The following PARD3 variants were observed in gnomAD, a reference collection of about 807,000 sequenced individuals.
PARD3 encodes the protein partitioning defective 3 homolog.
A neutral mutation model predicts 155.4 loss-of-function variants in PARD3; 75 were observed. The observed-to-expected ratio is 0.48, with a 90% CI of 0.40 to 0.58. The LOEUF (loss-of-function observed/expected upper bound fraction) is 0.58. PARD3 is among the 20% of genes least tolerant of loss of function. PARD3 has a pLI of 0.00. For missense variants in PARD3, 1,642 were observed against 1,721.7 expected (o/e 0.95, Z 0.82); for synonymous variants, 576 against 610.5 (o/e 0.94, Z 0.83).
At chr10:34,329,774 A>T (rs1835415369) in intron 19 of PARD3, among the ~76,000 whole-genome samples, 1 of 152,162 alleles carries the variant, frequency 6.6e-6, no homozygotes, top group South Asian at 2.1e-4. Flanking sequence ...TAGATGGAGA[A>T]TCAGGTGGAG....
intron 16 of PARD3, among the ~76,000 whole-genome samples, chr10:34,338,643 A>G (rs991075922): frequency 6.6e-6 from 1 of 152,158 alleles, no homozygotes; most frequent in African/African-American, 2.4e-5. Flanking sequence ...AAAACAGTCA[A>G]CCTTTGGATG....
chr10:34,277,276 T>C (rs554289301), intron 21 of PARD3, among the ~76,000 whole-genome samples: 3 of 152,312 alleles, frequency 2.0e-5, no homozygotes, highest in South Asian at 2.1e-4. Context: ...GAAGGCTTTA[T>C]TGGGCCCTCA....
chr10:34,531,331 T>C (rs1480824850), intron 2 of PARD3, among the ~76,000 whole-genome samples: 1 of 152,210 alleles, frequency 6.6e-6, no homozygotes, highest in African/African-American at 2.4e-5. Flanking sequence ...GCAGAAGTTA[T>C]TAATACTTCT....
intron 1 of PARD3, among the ~76,000 whole-genome samples, chr10:34,789,806 G>A (rs1025432421): frequency 6.6e-6 from 1 of 152,114 alleles, no homozygotes; most frequent in African/African-American, 2.4e-5. Context: ...GATTATTCTG[G>A]GTGGTAAGAA....
At chr10:34,742,287 A>AG (rs556909545) in intron 1 of PARD3, among the ~76,000 whole-genome samples, 1 of 152,302 alleles carries the variant, frequency 6.6e-6, no homozygotes, top group East Asian at 1.9e-4. Flanking sequence ...CACCAATGTA[A>AG]GGGGGGGACC....
Position 34,543,226 on chromosome 10 carries a change from G to A in PARD3, c.223-26067C>T, listed in dbSNP as rs559501079. On this transcript the variant is annotated intron_variant, in intron 2 of 24. Coordinates refer to ENST00000374788, the MANE Select transcript of PARD3 (RefSeq NM_001184785.2). ...GTTGAGGCTACCATGAGCCATAATC[G>A]TCCCACTGCACTCTAGCCTGGGCGT... Among the ~76,000 whole-genome samples, 5 of 152,018 alleles carry A rather than the reference G, an allele frequency of 3.3e-5. No individual in the cohort carries two copies. The South Asian group carries it at 6.3e-4, about 19-fold the overall frequency.
At chr10:34,519,444 C>G (rs561402448) in intron 2 of PARD3, among the ~76,000 whole-genome samples, 1 of 152,032 alleles carries the variant, frequency 6.6e-6, no homozygotes, top group East Asian at 1.9e-4. Flanking sequence ...TTTTAAAAAG[C>G]TATAAAAATA....
intron 2 of PARD3, among the ~76,000 whole-genome samples, chr10:34,600,133 G>A (rs968739940): frequency 2.0e-5 from 3 of 149,326 alleles, no homozygotes; most frequent in Non-Finnish European, 4.4e-5. Context: ...TCAGGAGTTC[G>A]AGACCAGCCT....
chr10:34,371,506 A>C (rs939521882), intron 12 of PARD3, among the ~76,000 whole-genome samples: 4,789 of 94,230 alleles, frequency 0.051, 365 homozygotes, highest in Non-Finnish European at 0.062. Flanking sequence ...AAAAAAAAAA[A>C]AAAAAAAAAA....
chr10:34,575,624 G>A (rs556036425), intron 2 of PARD3, among the ~76,000 whole-genome samples: 35 of 152,250 alleles, frequency 2.3e-4, no homozygotes, highest in Admixed American at 1.3e-3. Flanking sequence ...GGCCGGGAGC[G>A]GTGGCTCATG....
chr10:34,807,116 G>A (rs780052266), intron 1 of PARD3, among the ~76,000 whole-genome samples: 8 of 152,168 alleles, frequency 5.3e-5, no homozygotes, highest in Non-Finnish European at 1.0e-4. Context: ...GGGGTAGGGG[G>A]TAGCACACAG....
chr10:34,276,725 CTAAA>C (rs2133892141), intron 21 of PARD3, among the ~76,000 whole-genome samples: 1 of 152,160 alleles, frequency 6.6e-6, no homozygotes, highest in Non-Finnish European at 1.5e-5. Context: ...CAGTTACATA[CTAAA>C]TACTTTCATT....
intron 23 of PARD3, among the ~76,000 whole-genome samples, 184 bp downstream of exon 23, chr10:34,131,278 GA>G (rs1342741802): frequency 1.3e-5 from 2 of 152,180 alleles, no homozygotes; most frequent in Non-Finnish European, 2.9e-5. Context: ...GGTGGAACAA[GA>G]TATAAAATGA....
chr10:34,365,112 A>T (rs909857421), intron 12 of PARD3, among the ~76,000 whole-genome samples: 1 of 152,258 alleles, frequency 6.6e-6, no homozygotes, highest in Non-Finnish European at 1.5e-5. Flanking sequence ...ATGCTTACCT[A>T]AACCTTCTAC....
intron 1 of PARD3, among the ~76,000 whole-genome samples, chr10:34,727,382 ACAT>A (rs1452041758): frequency 3.3e-5 from 5 of 152,206 alleles, no homozygotes; most frequent in African/African-American, 1.2e-4. Context: ...GCCATGACAG[ACAT>A]CATTAAAACA....
chr10:34,211,122 T>A (rs1330381407), intron 22 of PARD3, among the ~76,000 whole-genome samples: 2 of 152,194 alleles, frequency 1.3e-5, no homozygotes, highest in Admixed American at 6.5e-5. Flanking sequence ...GACAGGCTCA[T>A]GAAACGCACC....
chr10:34,418,471 G>A (rs914296547), intron 5 of PARD3, among the ~76,000 whole-genome samples: 12 of 152,154 alleles, frequency 7.9e-5, no homozygotes, highest in African/African-American at 2.7e-4. Context: ...ACCGCACCCA[G>A]CATATATTCT....
intron 22 of PARD3, among the ~76,000 whole-genome samples, chr10:34,145,221 ATTTTTTTT>A (rs57442429): frequency 0.066 from 2,180 of 33,078 alleles, 69 homozygotes; most frequent in Non-Finnish European, 0.089. Flanking sequence ...ATATATATAT[ATTTTTTTT>A]TTTTTTTTTT....
At chr10:34,276,443 T>G (rs1955883683) in intron 21 of PARD3, among the ~76,000 whole-genome samples, 1 of 150,926 alleles carries the variant, frequency 6.6e-6, no homozygotes, top group African/African-American at 2.4e-5. Context: ...CTTGTCACAG[T>G]GTTCACCACC....
Sources: allele counts gnomAD v4.1 joint callset (sites outside exome capture counted in the v4.1 genomes callset), GRCh38; gene constraint gnomAD v4.1.1; transcripts MANE v1.5; gene names NCBI Gene and HGNC (gene_info 2026-07-23, HGNC 2026-07-21).